The following VAPA variants were observed in gnomAD, a reference collection of about 807,000 sequenced individuals.
VAPA encodes the protein VAMP associated protein A.
In VAPA, 6 loss-of-function variants were observed where a neutral mutation model predicts 25.6. That is an observed-to-expected ratio of 0.23 (90% confidence interval 0.13 to 0.46). VAPA has a LOEUF of 0.46. Among genes scored for constraint, VAPA ranks in the 20% least tolerant of loss-of-function variants. The probability of loss-of-function intolerance (pLI) is 0.99; values close to 1 mark genes in which losing one functional copy is unlikely to be tolerated. For missense variants in VAPA, 244 were observed against 302.1 expected (o/e 0.81, Z 1.43); for synonymous variants, 112 against 106.2 (o/e 1.05, Z -0.34).
chr18:9,954,820 C>G lies in VAPA; in HGVS notation c.*609C>G, dbSNP rs2069529578. The G allele has an allele frequency of 6.6e-6, 1 of 152,580 alleles. No individual in the cohort carries two copies. Among genetic ancestry groups the G allele is most frequent in the Non-Finnish European group, 1.5e-5 (1 of 68,046 alleles). 9.5% of individuals were successfully genotyped at this position (152,580 alleles called of 1,614,324 possible). A position where few individuals can be genotyped will look rare whatever the true frequency, so the allele number is the denominator to read the frequency against. On this transcript the variant is annotated 3_prime_UTR_variant, in exon 6 of 6. Transcript: ENST00000400000. ...AAATAAAACTGTTAACAGATTCTTGCTCGATAGCTTGTTTGTGTCTGTCGT... is the reference window on the plus strand; with the variant it reads ...AAATAAAACTGTTAACAGATTCTTGGTCGATAGCTTGTTTGTGTCTGTCGT...
rs1373588492 is a variant in VAPA, at chr18:9,956,425, A to C, written c.*2214A>C. 3 of 152,358 alleles carry C rather than the reference A, an allele frequency of 2.0e-5. No homozygotes were observed. The highest frequency in any genetic ancestry group is 7.2e-5 in the African/African-American group (3 of 41,450). 9.4% of individuals were successfully genotyped at this position (152,358 alleles called of 1,614,324 possible). ...TGTTTAGGCTAGAAATGCCTCCCAC[A>C]TTGGTAATAAACATTACAAAATACA... On this transcript the variant is annotated 3_prime_UTR_variant, in exon 6 of 6. Coordinates refer to ENST00000400000, the MANE Select transcript of VAPA (RefSeq NM_194434.3).
At chr18:9,927,241 G>A (rs1190042749) in intron 1 of VAPA, among the ~76,000 whole-genome samples, 1 of 152,098 alleles carries the variant, frequency 6.6e-6, no homozygotes, top group Non-Finnish European at 1.5e-5. Context: ...ACAGCAAAAT[G>A]TTCATCGTAG....
intron 1 of VAPA, among the ~76,000 whole-genome samples, chr18:9,919,991 C>T (rs756164681): frequency 6.6e-6 from 1 of 151,924 alleles, no homozygotes; most frequent in African/African-American, 2.4e-5. Flanking sequence ...TTGGTGGTCT[C>T]TATGTGCACT....
chr18:9,947,164 G>C (rs992397545), intron 4 of VAPA, among the ~76,000 whole-genome samples: 1 of 152,062 alleles, frequency 6.6e-6, no homozygotes, highest in Non-Finnish European at 1.5e-5. Context: ...GACTTAGAGT[G>C]TCCTTTTTGT....
chr18:9,942,914 G>C (rs1833071602), intron 4 of VAPA, among the ~76,000 whole-genome samples: 1 of 152,128 alleles, frequency 6.6e-6, no homozygotes, highest in African/African-American at 2.4e-5. Context: ...GATTTGCCGG[G>C]GGACACAGAT....
At chr18:9,934,355 G>C (rs1290783363) in intron 2 of VAPA, among the ~76,000 whole-genome samples, 1 of 152,198 alleles carries the variant, frequency 6.6e-6, no homozygotes, top group Non-Finnish European at 1.5e-5. Flanking sequence ...TAACCATGTT[G>C]TAAGTTTTCG....
intron 1 of VAPA, among the ~76,000 whole-genome samples, chr18:9,922,568 G>T (rs1032227428): frequency 2.6e-5 from 4 of 152,064 alleles, no homozygotes; most frequent in African/African-American, 9.7e-5. Flanking sequence ...CAATATATAT[G>T]CTGGTGACTG....
At chr18:9,953,298 T>A (rs1017563700) in intron 5 of VAPA, among the ~76,000 whole-genome samples, 4 of 152,196 alleles carry the variant, frequency 2.6e-5, no homozygotes, top group African/African-American at 9.7e-5. Flanking sequence ...CCAGTCCAGG[T>A]GCAGAGCTTC....
In VAPA at chr18:9,956,381, T is replaced by A. The variant is rs1420130133; in HGVS notation, c.*2170T>A. The A allele has an allele frequency of 2.0e-5, 3 of 152,250 alleles. No individual in the cohort carries two copies. Among genetic ancestry groups the A allele is most frequent in the African/African-American group, 7.2e-5 (3 of 41,454 alleles). 9.4% of individuals were successfully genotyped at this position (152,250 alleles called of 1,614,324 possible). A position where few individuals can be genotyped will look rare whatever the true frequency, so the allele number is the denominator to read the frequency against. On this transcript the variant is annotated 3_prime_UTR_variant, in exon 6 of 6. Coordinates refer to ENST00000400000, the MANE Select transcript of VAPA (RefSeq NM_194434.3). Reference sequence around the variant, plus strand: ...TTGTAAGACTACTACCGGCTTACTGTTGAATAGTTTGGTTATAGTGTTTAG... The same window carrying A: ...TTGTAAGACTACTACCGGCTTACTGATGAATAGTTTGGTTATAGTGTTTAG...
chr18:9,948,152 A>G (rs1364807843), intron 4 of VAPA: 1 of 152,204 alleles, frequency 6.6e-6, no homozygotes, highest in Non-Finnish European at 1.5e-5. Flanking sequence ...AGAGAAATTC[A>G]ACAACAAAAA....
chr18:9,943,840 C>CTTTTTTTTTTTTTTTTTTTTTTTTTTTT (rs1281083775), intron 4 of VAPA, among the ~76,000 whole-genome samples: 1 of 90,446 alleles, frequency 1.1e-5, no homozygotes, highest in Non-Finnish European at 2.4e-5. Flanking sequence ...GACATATTTC[C>CTTTTTTTTTTTTTTTTTTTTTTTTTTTT]CTTTTTTTTT....
At chr18:9,942,717 A>AC (rs1478697771) in intron 4 of VAPA, among the ~76,000 whole-genome samples, 26 of 152,230 alleles carry the variant, frequency 1.7e-4, no homozygotes, top group Non-Finnish European at 3.5e-4. Flanking sequence ...CGTGGTGGGA[A>AC]CAGGAGCAAG....
chr18:9,927,783 T>C (rs572093597), intron 1 of VAPA, among the ~76,000 whole-genome samples: 1 of 152,244 alleles, frequency 6.6e-6, no homozygotes, highest in South Asian at 2.1e-4. Context: ...GCCACATTTA[T>C]GTATGTGTTA....
At chr18:9,929,082 T>G (rs532337068) in intron 1 of VAPA, among the ~76,000 whole-genome samples, 1 of 152,310 alleles carries the variant, frequency 6.6e-6, no homozygotes, top group South Asian at 2.1e-4. Flanking sequence ...GGCATTGCTA[T>G]TGTTAGAATA....
At chr18:9,953,844 T>C (rs1331545573) in intron 5 of VAPA, among the ~76,000 whole-genome samples, 9 of 152,206 alleles carry the variant, frequency 5.9e-5, no homozygotes, top group African/African-American at 4.8e-5. Context: ...CATTGATACA[T>C]AGAACTTTGT....
Position 9,954,165 on chromosome 18 carries a change from T to C in VAPA, c.704T>C (p.Ile235Thr). 2.5e-6 allele frequency: 4 copies of C among 1,613,980 alleles called. No homozygotes were observed. Among genetic ancestry groups the C allele is most frequent in the Non-Finnish European group, 3.4e-6 (4 of 1,179,886 alleles). The change falls in exon 6 of 6, where the codon ATT (isoleucine) becomes ACT (threonine). Residue 235 changes from isoleucine (I) to threonine (T), a missense_variant. By Grantham distance (89) the Ile-to-Thr change is moderately conservative. Coordinates refer to ENST00000400000, the MANE Select transcript of VAPA (RefSeq NM_194434.3). ...TSPLPSLLVV[I>T]AAIFIGFFLG... ...CCTCTTCCTTCACTTCTTGTTGTAATTGCAGCCATTTTCATTGGATTCTTT... is the reference window on the plus strand; with the variant it reads ...CCTCTTCCTTCACTTCTTGTTGTAACTGCAGCCATTTTCATTGGATTCTTT...
At chr18:9,915,240 C>T (rs1196722987) in intron 1 of VAPA, among the ~76,000 whole-genome samples, 2 of 152,142 alleles carry the variant, frequency 1.3e-5, no homozygotes, top group African/African-American at 2.4e-5. Flanking sequence ...TTTGCTTTTA[C>T]GTTTGCGGTT....
intron 4 of VAPA, among the ~76,000 whole-genome samples, chr18:9,938,232 T>C (rs1391427456): frequency 6.6e-6 from 1 of 152,248 alleles, no homozygotes; most frequent in Non-Finnish European, 1.5e-5. Context: ...GAGAGTTTTA[T>C]GTCATTTTTT....
chr18:9,953,448 A>G (rs938275129), intron 5 of VAPA, among the ~76,000 whole-genome samples: 1 of 152,202 alleles, frequency 6.6e-6, no homozygotes, highest in Non-Finnish European at 1.5e-5. Flanking sequence ...ATATAAAAAC[A>G]CTGTTACTTA....
Sources: gnomAD v4.1 joint callset for allele counts (sites outside exome capture counted in the v4.1 genomes callset) on GRCh38, gnomAD v4.1.1 for gene constraint, MANE v1.5 for transcripts, NCBI Gene and HGNC (gene_info 2026-07-23, HGNC 2026-07-21) for gene names.